Variants in CHGA observed in about 807,000 individuals in gnomAD.
The protein encoded by CHGA is chromogranin A, also known as chromogranin-A.
In CHGA, 41 loss-of-function variants were observed where a neutral mutation model predicts 54.4. The observed-to-expected ratio is 0.75, with a 90% CI of 0.59 to 0.98. CHGA has a LOEUF of 0.98. Among genes scored for constraint, CHGA ranks in the 50% least tolerant of loss-of-function variants. The probability of loss-of-function intolerance (pLI) is 0.00; values close to 1 mark genes in which losing one functional copy is unlikely to be tolerated. For missense variants in CHGA, 576 were observed against 582.3 expected, an observed-to-expected ratio of 0.99 and a Z score of 0.11; for synonymous variants, 249 against 232.8, an observed-to-expected ratio of 1.07 and a Z score of -0.63.
intron 4 of CHGA, 133 bp downstream of exon 4, chr14:92,927,751 C>A: frequency 1.3e-6 from 1 of 748,364 alleles, no homozygotes. Context: ...AAAGCAGGAT[C>A]CGCCGTGCCA....
chr14:92,929,029 A>G (rs1886941531), intron 4 of CHGA, among the ~76,000 whole-genome samples: 1 of 152,254 alleles, frequency 6.6e-6, no homozygotes, highest in Admixed American at 6.5e-5. Context: ...TGCCCAGGAA[A>G]GCCCATTGTT....
chr14:92,923,206 A>G lies in CHGA; in HGVS notation c.-154A>G, dbSNP rs957249220. 3 of 563,814 alleles carry G rather than the reference A, an allele frequency of 5.3e-6. No individual in the cohort carries two copies. Among genetic ancestry groups the G allele is most frequent in the African/African-American group, 4.0e-5 (2 of 50,364 alleles). The allele number at this position is 563,814 out of a possible 1,614,324, so 34.9% of individuals were successfully genotyped here. A position where few individuals can be genotyped will look rare whatever the true frequency, so the allele number is the denominator to read the frequency against. ...CCCGTGCAGGGGAGCTTGCGGGAGG[A>G]TCGACCGACAGACGGACGCACGCCG... On this transcript the variant is annotated 5_prime_UTR_variant, in exon 1 of 8. Transcript: ENST00000216492.
intron 1 of CHGA, 55 bp downstream of exon 1, chr14:92,923,460 T>C: frequency 8.1e-7 from 1 of 1,231,022 alleles, no homozygotes; most frequent in Non-Finnish European, 1.0e-6. Context: ...CTGCCCACCT[T>C]GAGGTCCGGG....
chr14:92,927,419 C>T (rs1355490458), intron 3 of CHGA, 131 bp from the exon 4 acceptor site: 1 of 694,170 alleles, frequency 1.4e-6, no homozygotes, highest in Non-Finnish European at 2.5e-6. Context: ...TCTGAAGACC[C>T]AATCTTGCTG....
Position 92,926,814 on chromosome 14 carries a change from C to T in CHGA, c.187+116C>T, listed in dbSNP as rs1486771942. On this transcript the variant is annotated intron_variant, in intron 3 of 7. Coordinates refer to ENST00000216492, the MANE Select transcript of CHGA (RefSeq NM_001275.4). ...TAACTCAACAGTCACTGACTGAGTG[C>T]CCGTCATGTCCAGGCACTGCACCAG... 7.1e-6 allele frequency: 6 copies of T among 848,470 alleles called. No individual in the cohort carries two copies. In the Admixed American group the frequency reaches 1.0e-4, roughly 14 times the overall value. The allele number at this position is 848,470 out of a possible 1,614,324, so 52.6% of individuals were successfully genotyped here.
At chr14:92,929,548 C>T (rs76458518) in intron 4 of CHGA, among the ~76,000 whole-genome samples, 169 bp from the exon 5 acceptor site, 10 of 152,330 alleles carry the variant, frequency 6.6e-5, no homozygotes, top group East Asian at 3.9e-4. Context: ...AGGTGAGGGA[C>T]GCCAACCCTT....
intron 3 of CHGA, 120 bp downstream of exon 3, chr14:92,926,818 T>C: frequency 2.4e-6 from 2 of 832,292 alleles, no homozygotes; most frequent in South Asian, 3.1e-5. Context: ...TGAGTGCCCG[T>C]CATGTCCAGG....
intron 5 of CHGA, among the ~76,000 whole-genome samples, chr14:92,930,943 G>C (rs962392685): frequency 1.2e-4 from 18 of 152,234 alleles, no homozygotes; most frequent in Non-Finnish European, 2.1e-4. Context: ...ACTTGCCCAA[G>C]ATCACACAGC....
In CHGA at chr14:92,931,541, G is replaced by C. The variant is rs574158812; in HGVS notation, c.647G>C (p.Gly216Ala). The C allele has an allele frequency of 5.0e-6, 8 of 1,612,674 alleles. No homozygotes were observed. The highest frequency in any genetic ancestry group is 6.8e-6 in the Non-Finnish European group (8 of 1,179,780). The change falls in exon 6 of 8, where the codon GGC becomes GCC. Residue 216 changes from glycine (G) to alanine (A), a missense_variant. Physicochemically the swap from Gly to Ala is moderately conservative, Grantham distance 60. Transcript: ENST00000216492. ...CAGGGTCTGGTGGACAGAGAGAAGG[G>C]CCTGAGTGCAGAGCCAGGGTGGCAG... ...LSQGLVDREK[G>A]LSAEPGWQAK...
rs199772175 is a variant in CHGA at position 92,931,668 on chromosome 14, G to A, written c.774G>A (p.Pro258=). 1.2e-4 allele frequency: 193 copies of A among 1,592,010 alleles called. 1 individual carries two copies. Among genetic ancestry groups the A allele is most frequent in the Middle Eastern group, 5.0e-4 (3 of 5,960 alleles). Reference sequence around the variant, plus strand: ...CCACTGTAGTGCTGAACCCCCACCCGAGCCTTGGCTACAAGGAGATCCGGA... The same window carrying A: ...CCACTGTAGTGCTGAACCCCCACCCAAGCCTTGGCTACAAGGAGATCCGGA... ...EGPTVVLNPH[P]SLGYKEIRKG... The change falls in exon 6 of 8, where the codon CCG becomes CCA. Residue 258 remains proline, a synonymous_variant. Coordinates refer to ENST00000216492, the MANE Select transcript of CHGA (RefSeq NM_001275.4).
chr14:92,923,599 TGG>T (rs1194064628), intron 1 of CHGA, among the ~76,000 whole-genome samples, 194 bp downstream of exon 1: 2 of 152,136 alleles, frequency 1.3e-5, no homozygotes, highest in African/African-American at 4.8e-5. Flanking sequence ...ACAAGACACT[TGG>T]GCCTGACTCC....
In CHGA at chr14:92,935,128, A is replaced by G. The variant is rs1206021656; in HGVS notation, c.*244A>G. The G allele has an allele frequency of 4.1e-6, 2 of 489,730 alleles. No individual in the cohort carries two copies. The highest frequency in any genetic ancestry group is 7.1e-6 in the Non-Finnish European group (2 of 281,582). 30.3% of individuals were successfully genotyped at this position (489,730 alleles called of 1,614,324 possible). ...TTAAACATTGACGATTCCTTCTCTG[A>G]ACACAGGCAGCTTTCTAGAAGTTTC... On this transcript the variant is annotated 3_prime_UTR_variant, in exon 8 of 8. Transcript: ENST00000216492.
chr14:92,923,453 C>T, intron 1 of CHGA, 48 bp downstream of exon 1: 1 of 1,239,198 alleles, frequency 8.1e-7, no homozygotes, highest in Non-Finnish European at 1.0e-6. Flanking sequence ...GGCGCCCCTG[C>T]CCACCTTGAG....
At chr14:92,926,462 C>T in intron 2 of CHGA, 143 bp from the exon 3 acceptor site, 1 of 662,492 alleles carries the variant, frequency 1.5e-6, no homozygotes, top group Non-Finnish European at 2.7e-6. Context: ...GAAAGCAGAG[C>T]TGTGTCCCTG....
chr14:92,923,724 G>A (rs947788034), intron 1 of CHGA, among the ~76,000 whole-genome samples: 14 of 152,228 alleles, frequency 9.2e-5, no homozygotes, highest in Admixed American at 6.5e-5. Flanking sequence ...ACTGCGGGGA[G>A]GTGGGAGCAT....
At position 92,926,699 on chromosome 14, in the gene CHGA, G is replaced by T; in HGVS notation, c.187+1G>T. 2 of 1,613,772 alleles carry T rather than the reference G, an allele frequency of 1.2e-6. No individual in the cohort carries two copies. Among genetic ancestry groups the T allele is most frequent in the Non-Finnish European group, 1.7e-6 (2 of 1,179,832 alleles). On this transcript the variant is annotated splice_donor_variant, in intron 3 of 7. Transcript: ENST00000216492. LOFTEE classifies it high-confidence loss of function. Reference sequence around the variant, plus strand: ...GAATGTTTTGAGACACTCCGAGGAGGTATGAGCTGGAGGCTAGGGGTGAGG... The same window carrying T: ...GAATGTTTTGAGACACTCCGAGGAGTTATGAGCTGGAGGCTAGGGGTGAGG...
intron 4 of CHGA, 73 bp from the exon 5 acceptor site, chr14:92,929,641 TGGA>T: frequency 7.7e-7 from 1 of 1,291,998 alleles, no homozygotes; most frequent in South Asian, 1.2e-5. Context: ...GATGGGGAAA[TGGA>T]GGTCTTCACT....
At chr14:92,926,734 TGCTGG>T in intron 3 of CHGA, 36 bp downstream of exon 3, 1 of 1,572,956 alleles carries the variant, frequency 6.4e-7, no homozygotes, top group Non-Finnish European at 8.7e-7. Flanking sequence ...GGCTGCTGCC[TGCTGG>T]GCTGGGAGGC....
Position 92,934,957 on chromosome 14 carries a change from C to A in CHGA, c.*73C>A. ...CTGCTGTCCCCTTGGCAGGTCCTGG[C>A]CAGATGGCCCGGATGCTGCTTCCGG... On this transcript the variant is annotated 3_prime_UTR_variant, in exon 8 of 8. Transcript: ENST00000216492. 3 of 1,339,690 alleles carry A rather than the reference C, an allele frequency of 2.2e-6. No homozygotes were observed. The highest frequency in any genetic ancestry group is 2.0e-6 in the Non-Finnish European group (2 of 992,530). 83.0% of individuals were successfully genotyped at this position (1,339,690 alleles called of 1,614,324 possible). A position where few individuals can be genotyped will look rare whatever the true frequency, so the allele number is the denominator to read the frequency against.
Sources: allele counts gnomAD v4.1 joint callset (sites outside exome capture counted in the v4.1 genomes callset), GRCh38; gene constraint gnomAD v4.1.1; transcripts MANE v1.5; gene names NCBI Gene and HGNC (gene_info 2026-07-23, HGNC 2026-07-21).